The following USP18 variants were observed in gnomAD, a reference collection of about 807,000 sequenced individuals.
USP18 encodes the protein ubiquitin specific peptidase 18.
A neutral mutation model predicts 48.7 loss-of-function variants in USP18; 11 were observed. The ratio of observed to expected loss-of-function variants is 0.23; its 90% CI spans 0.14 to 0.37. The LOEUF (loss-of-function observed/expected upper bound fraction) is 0.37. USP18 is among the 10% of genes least tolerant of loss of function. The pLI is 1.00. For synonymous variants in USP18, 114 were observed against 163.2 expected, an observed-to-expected ratio of 0.70 and a Z score of 2.30; for missense variants, 285 against 436.4, an observed-to-expected ratio of 0.65 and a Z score of 3.09.
intron 1 of USP18, among the ~76,000 whole-genome samples, chr22:18,154,373 A>G (rs1444011014): frequency 6.6e-6 from 1 of 152,168 alleles, no homozygotes; most frequent in Non-Finnish European, 1.5e-5. Context: ...GATAAATAAG[A>G]CAGTACATAT....
At chr22:18,172,521 C>T (rs1184064583) in intron 8 of USP18, among the ~76,000 whole-genome samples, 4 of 151,974 alleles carry the variant, frequency 2.6e-5, no homozygotes, top group East Asian at 1.9e-4. Flanking sequence ...TTTAGATTTC[C>T]GCTCCTTTTC....
At chr22:18,169,690 G>A (rs1399161895) in intron 6 of USP18, among the ~76,000 whole-genome samples, 154 bp from the exon 7 acceptor site, 1 of 152,180 alleles carries the variant, frequency 6.6e-6, no homozygotes, top group African/African-American at 2.4e-5. Context: ...CATGCTTCCG[G>A]TTGGCCTGCA....
intron 1 of USP18, among the ~76,000 whole-genome samples, chr22:18,153,442 G>C (rs1415028501): frequency 9.2e-6 from 1 of 108,780 alleles, no homozygotes; most frequent in Admixed American, 1.1e-4. Context: ...AAAAAAAAAA[G>C]GAGACAGGGT....
intron 3 of USP18, among the ~76,000 whole-genome samples, chr22:18,160,585 A>G (rs1490768049): frequency 2.0e-5 from 3 of 152,138 alleles, no homozygotes; most frequent in Non-Finnish European, 4.4e-5. Flanking sequence ...TATAGGCGTA[A>G]GCCACTGCAC....
chr22:18,166,923 G>A (rs1371632538), intron 4 of USP18, among the ~76,000 whole-genome samples: 3 of 151,234 alleles, frequency 2.0e-5, no homozygotes, highest in African/African-American at 4.9e-5. Context: ...ATTTTTTATC[G>A]AGACGGAGTC....
intron 2 of USP18, among the ~76,000 whole-genome samples, chr22:18,159,397 T>C (rs1174392285): frequency 6.6e-6 from 1 of 152,030 alleles, no homozygotes; most frequent in Non-Finnish European, 1.5e-5. Context: ...TGATATCTTC[T>C]CTCCGATTTG....
chr22:18,156,752 C>T (rs1182616459), intron 1 of USP18, among the ~76,000 whole-genome samples: 1 of 151,158 alleles, frequency 6.6e-6, no homozygotes, highest in Non-Finnish European at 1.5e-5. Flanking sequence ...CGAACACATC[C>T]GAACATCAGA....
chr22:18,168,048 C>T lies in USP18; in HGVS notation c.627+12C>T, dbSNP rs375148724. ...CCCTGAAGACACTGGTAAGGGGATT[C>T]TCTTGGTATTTGCTGCCCCTGTATG... On this transcript the variant is annotated intron_variant, in intron 6 of 10. Coordinates refer to ENST00000215794, the MANE Select transcript of USP18 (RefSeq NM_017414.4). 2.5e-6 allele frequency: 4 copies of T among 1,613,604 alleles called. No homozygotes were observed. Among genetic ancestry groups the T allele is most frequent in the Middle Eastern group, 1.6e-4 (1 of 6,078 alleles).
chr22:18,173,000 C>T, intron 8 of USP18, 150 bp from the exon 9 acceptor site: 2 of 1,447,752 alleles, frequency 1.4e-6, no homozygotes, highest in South Asian at 2.8e-5. Flanking sequence ...CGGGAAAGCC[C>T]CTCCTGGAGG....
rs1929707616 is a variant in USP18, at chr22:18,173,862, A to G, written c.1073+20A>G. The G allele has an allele frequency of 6.3e-7, 1 of 1,588,036 alleles. No homozygotes were observed. Among genetic ancestry groups the G allele is most frequent in the Non-Finnish European group, 8.6e-7 (1 of 1,160,648 alleles). On this transcript the variant is annotated intron_variant, in intron 10 of 10. Transcript: ENST00000215794. The stretch of plus-strand genomic sequence containing the variant: ...CCACTGGTAAGAAACAGATTTGGGT[A>G]ATTGGAGTCTGATGAGCTCACATAG...
chr22:18,157,973 CAT>C (rs1340974203), intron 2 of USP18, among the ~76,000 whole-genome samples, 153 bp downstream of exon 2: 1 of 152,052 alleles, frequency 6.6e-6, no homozygotes, highest in East Asian at 1.9e-4. Flanking sequence ...CAGCCTGGGC[CAT>C]AGTGAAACCC....
intron 1 of USP18, among the ~76,000 whole-genome samples, chr22:18,154,351 T>C (rs1929072893): frequency 6.6e-6 from 1 of 152,180 alleles, no homozygotes; most frequent in South Asian, 2.1e-4. Flanking sequence ...TTAATTCACA[T>C]GGCTGTGTAA....
intron 4 of USP18, among the ~76,000 whole-genome samples, chr22:18,166,622 T>G (rs1159632498): frequency 1.3e-5 from 2 of 152,022 alleles, no homozygotes; most frequent in Non-Finnish European, 2.9e-5. Context: ...AGTTCATGAT[T>G]CTGTATTCGC....
chr22:18,170,015 C>CA, intron 7 of USP18, 76 bp downstream of exon 7: 3 of 1,464,236 alleles, frequency 2.0e-6, no homozygotes, highest in Non-Finnish European at 2.8e-6. Context: ...CTGCTTTTAC[C>CA]AAAATCCACA....
chr22:18,173,999 A>C (rs1414801803), intron 10 of USP18, among the ~76,000 whole-genome samples, 157 bp downstream of exon 10: 2 of 151,890 alleles, frequency 1.3e-5, no homozygotes, highest in East Asian at 1.9e-4. Context: ...TTTGCCTCAC[A>C]CGTCACACTC....
chr22:18,170,803 A>C lies in USP18; in HGVS notation c.774A>C (p.Arg258=), dbSNP rs537214046. The change falls in exon 8 of 11, where the codon CGA becomes CGC. Residue 258 remains arginine (R), a synonymous_variant. Transcript: ENST00000215794. ...LPQTLTIHLM[R]FSIRNSQTRK... is the part of the protein sequence containing the mutation. ...AGACCCTGACAATCCACCTCATGCG[A>C]TTCTCCATCAGGAATTCACAGACGA... is the stretch of plus-strand genomic sequence containing the variant. 4.6e-5 allele frequency: 74 copies of C among 1,600,646 alleles called. No homozygotes were observed. The Admixed American group carries it at 1.2e-3, about 27-fold the overall frequency.
rs1602524982 is a variant in USP18 at position 18,161,850 on chromosome 22, G to C, written c.315G>C (p.Leu105=). 6.2e-7 allele frequency: 1 copy of C among 1,613,638 alleles called. No individual in the cohort carries two copies. Among genetic ancestry groups the C allele is most frequent in the Non-Finnish European group, 8.5e-7 (1 of 1,179,910 alleles). The change falls in exon 4 of 11, where the codon CTG becomes CTC. Residue 105 remains leucine, a synonymous_variant. Coordinates refer to ENST00000215794, the MANE Select transcript of USP18 (RefSeq NM_017414.4). The part of the protein sequence containing the change: ...QRRSVPFQML[L]LLEKMQDSRQ... ...GAAGCGTCCCTTTCCAGATGCTTCT[G>C]CTGCTGGAGAAGATGCAGGACAGCC...
At chr22:18,169,009 A>G (rs1197273885) in intron 6 of USP18, among the ~76,000 whole-genome samples, 3 of 151,872 alleles carry the variant, frequency 2.0e-5, no homozygotes, top group African/African-American at 7.3e-5. Flanking sequence ...CAAGTGGACC[A>G]CACCAGGCCA....
In USP18 at chr22:18,161,386, A is replaced by C. The variant is rs12169517; in HGVS notation, c.255-404A>C. Among the ~76,000 whole-genome samples, 832 of 85,534 alleles carry C rather than the reference A, an allele frequency of 9.7e-3. 16 individuals carry two copies. The highest frequency in any genetic ancestry group is 0.037 in the African/African-American group (764 of 20,742). 56.1% of individuals were successfully genotyped at this position (85,534 alleles called of 152,430 possible). ...CTTTCTTCCCAGGACCTAACCCAGC[A>C]TGTGCCTCTGCAGTCTGGAGAGCTT... On this transcript the variant is annotated intron_variant, in intron 3 of 10. Transcript: ENST00000215794.
Sources: gnomAD v4.1 joint callset for allele counts (sites outside exome capture counted in the v4.1 genomes callset) on GRCh38, gnomAD v4.1.1 for gene constraint, MANE v1.5 for transcripts, NCBI Gene and HGNC (gene_info 2026-07-23, HGNC 2026-07-21) for gene names.